Variants in ANKS3 observed in about 807,000 individuals in gnomAD.
ANKS3 encodes ankyrin repeat and SAM domain-containing protein 3.
ANKS3 carries 62 observed loss-of-function variants against 80.7 expected under a neutral mutation model. The ratio of observed to expected loss-of-function variants is 0.77; its 90% confidence interval spans 0.63 to 0.95. The LOEUF (loss-of-function observed/expected upper bound fraction) is 0.95. ANKS3 is among the 40% of genes least tolerant of loss of function. ANKS3 has a pLI of 0.00. For missense variants in ANKS3, 1,150 were observed against 883.6 expected (o/e 1.30, Z -3.82); for synonymous variants, 489 against 355.3 (o/e 1.38, Z -4.23).
intron 8 of ANKS3, among the ~76,000 whole-genome samples, chr16:4,703,523 C>T (rs1199349945): frequency 1.3e-5 from 2 of 151,796 alleles, no homozygotes; most frequent in Non-Finnish European, 2.9e-5. Context: ...CGGGTTCAAC[C>T]GATTCTCCTG....
chr16:4,697,183 G>A (rs924550648), intron 16 of ANKS3, 79 bp from the exon 17 acceptor site: 21 of 1,568,034 alleles, frequency 1.3e-5, no homozygotes, highest in Non-Finnish European at 1.7e-5. Context: ...CTCAGCTGCA[G>A]GATGTGACCT....
chr16:4,726,468 T>C (rs569379808), intron 5 of ANKS3, among the ~76,000 whole-genome samples, 191 bp downstream of exon 5: 1 of 152,308 alleles, frequency 6.6e-6, no homozygotes, highest in South Asian at 2.1e-4. Context: ...TGAGAGGGCT[T>C]GAAGAGATGC....
At chr16:4,718,657 G>A (rs1433291760) in intron 6 of ANKS3, among the ~76,000 whole-genome samples, 1 of 152,244 alleles carries the variant, frequency 6.6e-6, no homozygotes, top group Non-Finnish European at 1.5e-5. Flanking sequence ...AAAAACGTGG[G>A]AGAGAGGAGC....
chr16:4,702,481 T>C (rs1409508118), intron 8 of ANKS3, among the ~76,000 whole-genome samples: 1 of 152,200 alleles, frequency 6.6e-6, no homozygotes, highest in Non-Finnish European at 1.5e-5. Flanking sequence ...CTGGGCCCTC[T>C]CCATTTCTTT....
At chr16:4,699,697 G>A (rs2079792288) in intron 11 of ANKS3, 2 of 162,704 alleles carry the variant, frequency 1.2e-5, no homozygotes, top group Admixed American at 1.1e-4. Flanking sequence ...GTATGGGGTG[G>A]TGTCGGTGTG....
At chr16:4,707,129 G>C (rs930230147) in intron 7 of ANKS3, among the ~76,000 whole-genome samples, 1 of 152,176 alleles carries the variant, frequency 6.6e-6, no homozygotes, top group Non-Finnish European at 1.5e-5. Context: ...ATAAGCAAGG[G>C]AACGGCAGCT....
rs1490304902 is a variant in ANKS3 at position 4,705,132 on chromosome 16, G to A, written c.831C>T (p.Gly277=). ...GTGGGGCTCTGCCGCCCAGGCCAAT[G>A]CCTGTGATCCTGGCCAGGGCTCGCG... The part of the protein sequence containing the change: ...EGPRALARIT[G]IGLGGRAPRP... Residue 277 remains glycine, a synonymous_variant, in exon 8 of 18, where the codon GGC becomes GGT. Coordinates refer to ENST00000304283, the MANE Select transcript of ANKS3 (RefSeq NM_133450.4). The A allele has an allele frequency of 6.8e-6, 11 of 1,613,224 alleles. 1 individual carries two copies. The South Asian group carries it at 1.1e-4, about 16-fold the overall frequency.
At chr16:4,723,890 CA>C (rs925126153) in intron 6 of ANKS3, among the ~76,000 whole-genome samples, 86 of 143,758 alleles carry the variant, frequency 6.0e-4, no homozygotes, top group South Asian at 3.1e-3. Context: ...CCAACTCTAC[CA>C]AAAAAAAAAA....
chr16:4,720,556 A>C (rs1469747716), intron 6 of ANKS3, among the ~76,000 whole-genome samples: 1 of 151,304 alleles, frequency 6.6e-6, no homozygotes, highest in African/African-American at 2.4e-5. Flanking sequence ...TACCGACTGA[A>C]CCCACCTCAC....
rs773663157 is a variant in ANKS3, at chr16:4,726,832, C to T, written c.370-52G>A. 22 of 1,600,620 alleles carry T rather than the reference C, an allele frequency of 1.4e-5. No individual in the cohort carries two copies. In the African/African-American group the frequency reaches 1.5e-4, roughly 11 times the overall value. On this transcript the variant is annotated intron_variant, in intron 4 of 17. Transcript: ENST00000304283. ...ACGGCCTCATCTCCTCTGCGTGGGGCGGGCGCCCTCCAGGCGGCCATGCTG... is the reference window on the plus strand; with the variant it reads ...ACGGCCTCATCTCCTCTGCGTGGGGTGGGCGCCCTCCAGGCGGCCATGCTG...
Position 4,733,387 on chromosome 16 carries a change from G to T in ANKS3, c.-71+551C>A, listed in dbSNP as rs1048379023. 2.6e-5 allele frequency among the ~76,000 whole-genome samples: 4 copies of T among 151,848 alleles called. No individual in the cohort carries two copies. In the East Asian group the frequency reaches 7.7e-4, roughly 29 times the overall value. ...GCTCAATGCAACCTCCGCCTCCTGG[G>T]TTCAAGCGATTCTCCTGCCTCAGCT... On this transcript the variant is annotated intron_variant, in intron 1 of 17. Transcript: ENST00000304283.
intron 2 of ANKS3, 80 bp from the exon 3 acceptor site, chr16:4,730,231 A>G (rs955535847): frequency 7.7e-7 from 1 of 1,305,348 alleles, no homozygotes; most frequent in African/African-American, 1.5e-5. Flanking sequence ...TGCCCCTGCT[A>G]CACCACTGCA....
intron 5 of ANKS3, among the ~76,000 whole-genome samples, chr16:4,725,910 G>C (rs2081323226): frequency 6.6e-6 from 1 of 151,486 alleles, no homozygotes; most frequent in Non-Finnish European, 1.5e-5. Context: ...TGCCCGCCTT[G>C]GCCTCCCAGA....
At chr16:4,728,706 G>A (rs904138063) in intron 3 of ANKS3, among the ~76,000 whole-genome samples, 3 of 151,526 alleles carry the variant, frequency 2.0e-5, no homozygotes, top group Non-Finnish European at 4.4e-5. Flanking sequence ...CAACACAAAC[G>A]CCTCCCCCTG....
intron 1 of ANKS3, among the ~76,000 whole-genome samples, chr16:4,731,843 G>T (rs993044314): frequency 2.0e-5 from 3 of 151,966 alleles, no homozygotes; most frequent in African/African-American, 7.3e-5. Context: ...CATGGGTAAC[G>T]GCACACCAGG....
chr16:4,722,055 C>T (rs1323007448), intron 6 of ANKS3, among the ~76,000 whole-genome samples: 3 of 151,390 alleles, frequency 2.0e-5, no homozygotes, highest in African/African-American at 4.8e-5. Context: ...TTCCCAGAGT[C>T]GCCCGTGGGG....
At chr16:4,706,247 T>C (rs2080182245) in intron 7 of ANKS3, among the ~76,000 whole-genome samples, 1 of 152,104 alleles carries the variant, frequency 6.6e-6, no homozygotes, top group African/African-American at 2.4e-5. Flanking sequence ...CTTTATTTTT[T>C]TGAGACGGAG....
chr16:4,697,159 T>A (rs1011002115), intron 16 of ANKS3, 55 bp from the exon 17 acceptor site: 19 of 1,589,478 alleles, frequency 1.2e-5, no homozygotes, highest in Non-Finnish European at 1.5e-5. Context: ...GGCTGGGTGG[T>A]GCTGCCCCGG....
intron 7 of ANKS3, among the ~76,000 whole-genome samples, chr16:4,705,936 T>C (rs949477689): frequency 4.6e-5 from 7 of 151,962 alleles, no homozygotes; most frequent in Non-Finnish European, 8.8e-5. Flanking sequence ...CTTTTTTTTT[T>C]TTCTTTTGAG....
Sources: gnomAD v4.1 joint callset for allele counts (sites outside exome capture counted in the v4.1 genomes callset) on GRCh38, gnomAD v4.1.1 for gene constraint, MANE v1.5 for transcripts, NCBI Gene and HGNC (gene_info 2026-07-23, HGNC 2026-07-21) for gene names.